Variants in GPC3 observed in about 807,000 individuals in gnomAD.
The protein encoded by GPC3 is glypican-3.
Under a neutral mutation model 34.4 loss-of-function variants are expected in GPC3, and 3 were observed. The ratio of observed to expected loss-of-function variants is 0.09; its 90% CI spans 0.04 to 0.23. The LOEUF is 0.23. Ranked by LOEUF, GPC3 falls within the 10% of genes least tolerant of loss-of-function variation. GPC3 has a pLI of 1.00. For synonymous variants in GPC3, 177 were observed against 174.0 expected, an observed-to-expected ratio of 1.02 and a Z score of -0.13; for missense variants, 351 against 445.6, an observed-to-expected ratio of 0.79 and a Z score of 1.91.
chrX:133,663,834 T>C (rs2070747196), intron 5 of GPC3, among the ~76,000 whole-genome samples: 1 of 111,431 alleles, frequency 9.0e-6, no homozygotes, highest in Non-Finnish European at 1.9e-5. Context: ...AACTGAAAAA[T>C]ATAAAATAAC....
chrX:133,828,763 C>CG (rs2075761994), intron 2 of GPC3, among the ~76,000 whole-genome samples: 1 of 110,171 alleles, frequency 9.1e-6, no homozygotes, highest in Non-Finnish European at 1.9e-5. Flanking sequence ...TGAGATCTAT[C>CG]GCACAGCATG....
chrX:133,783,618 C>A (rs948318478), intron 2 of GPC3, among the ~76,000 whole-genome samples: 2 of 112,225 alleles, frequency 1.8e-5, no homozygotes, highest in African/African-American at 6.5e-5. Flanking sequence ...TAGAGTGGGA[C>A]AAATGTCTGA....
chrX:133,831,351 G>A (rs974453463), intron 2 of GPC3, among the ~76,000 whole-genome samples: 2 of 112,200 alleles, frequency 1.8e-5, no homozygotes, highest in Non-Finnish European at 3.8e-5. Flanking sequence ...GGGGAAGCTA[G>A]GCAAAGGACA....
intron 1 of GPC3, 81 bp from the exon 2 acceptor site, chrX:133,953,292 A>C: frequency 1.3e-6 from 1 of 759,734 alleles, no homozygotes; most frequent in Non-Finnish European, 2.0e-6. Context: ...CCCACCCCCT[A>C]CACACACACT....
At chrX:133,600,336 C>G (rs773303025) in intron 6 of GPC3, among the ~76,000 whole-genome samples, 1 of 112,053 alleles carries the variant, frequency 8.9e-6, no homozygotes, top group Admixed American at 9.5e-5. Context: ...AGGACCTTGG[C>G]TAAGACACAT....
At chrX:133,602,315 G>C in intron 6 of GPC3, among the ~76,000 whole-genome samples, 1 of 111,570 alleles carries the variant, frequency 9.0e-6, no homozygotes. Context: ...AGCTAGATAG[G>C]AGGAATTAGT....
intron 2 of GPC3, 107 bp from the exon 3 acceptor site, chrX:133,754,283 T>C: frequency 1.7e-6 from 1 of 587,443 alleles, no homozygotes; most frequent in Non-Finnish European, 2.7e-6. Context: ...GTGATTAAGG[T>C]CCCATTTGCG....
intron 2 of GPC3, among the ~76,000 whole-genome samples, chrX:133,925,253 G>A (rs1298280239): frequency 9.1e-6 from 1 of 109,693 alleles, no homozygotes; most frequent in African/African-American, 3.3e-5. Context: ...TTTATGATAG[G>A]GGTACTGGGC....
rs898610864 is a variant in GPC3 at position 133,818,642 on chromosome X, T to C, written c.338-64466A>G. Among the ~76,000 whole-genome samples, 6 of 111,529 alleles carry C rather than the reference T, an allele frequency of 5.4e-5. No homozygotes were observed. In the East Asian group the frequency reaches 8.5e-4, roughly 16 times the overall value. On this transcript the variant is annotated intron_variant, in intron 2 of 7. Transcript: ENST00000370818. ...GCAATAGATTGGTTGTCCCCCAGAA[T>C]AGAATATGTGTTATAATAAGCTAAA...
At chrX:133,593,353 G>GT (rs1491483345) in intron 7 of GPC3, among the ~76,000 whole-genome samples, 35 of 58,141 alleles carry the variant, frequency 6.0e-4, no homozygotes, top group African/African-American at 2.3e-3. Context: ...AAAAAAAAAA[G>GT]TAAAAAAAAA....
At chrX:133,967,292 CAAAT>C (rs763668695) in intron 1 of GPC3, among the ~76,000 whole-genome samples, 150 of 112,545 alleles carry the variant, frequency 1.3e-3, no homozygotes, top group African/African-American at 4.6e-3. Flanking sequence ...ATGAAAAACA[CAAAT>C]AAATTATCCA....
chrX:133,694,621 G>A (rs2071096113), intron 4 of GPC3, among the ~76,000 whole-genome samples: 1 of 109,711 alleles, frequency 9.1e-6, no homozygotes, highest in South Asian at 4.0e-4. Context: ...GGGAAACAAT[G>A]GCCCTCTCTT....
intron 1 of GPC3, among the ~76,000 whole-genome samples, chrX:133,955,950 T>G (rs2076414808): frequency 8.9e-6 from 1 of 111,992 alleles, no homozygotes; most frequent in Non-Finnish European, 1.9e-5. Flanking sequence ...GGAATTTCAG[T>G]TGATCATGTC....
intron 2 of GPC3, among the ~76,000 whole-genome samples, chrX:133,845,966 T>C (rs2075845390): frequency 8.9e-6 from 1 of 111,821 alleles, no homozygotes; most frequent in Non-Finnish European, 1.9e-5. Context: ...TCCAAAATTC[T>C]TGAGATGATG....
intron 3 of GPC3, among the ~76,000 whole-genome samples, chrX:133,714,543 A>G (rs1166142019): frequency 9.0e-6 from 1 of 111,004 alleles, no homozygotes; most frequent in Non-Finnish European, 1.9e-5. Context: ...TCTGCTCTAC[A>G]CTAACATCCA....
chrX:133,784,663 T>G (rs960094536), intron 2 of GPC3, among the ~76,000 whole-genome samples: 3 of 112,530 alleles, frequency 2.7e-5, no homozygotes, highest in Non-Finnish European at 5.6e-5. Context: ...AAATTGTTAT[T>G]GTTAGAAAAG....
At chrX:133,602,196 C>T (rs2124337170) in intron 6 of GPC3, among the ~76,000 whole-genome samples, 1 of 111,468 alleles carries the variant, frequency 9.0e-6, no homozygotes, top group African/African-American at 3.3e-5. Flanking sequence ...CATTCTCGCT[C>T]ATATGTAGGA....
chrX:133,881,604 T>G (rs911115838), intron 2 of GPC3, among the ~76,000 whole-genome samples: 1 of 112,590 alleles, frequency 8.9e-6, no homozygotes, highest in Non-Finnish European at 1.9e-5. Flanking sequence ...CTTGGTGAAC[T>G]ACACCCCACA....
At chrX:133,942,400 G>A (rs983561211) in intron 2 of GPC3, among the ~76,000 whole-genome samples, 2 of 111,406 alleles carry the variant, frequency 1.8e-5, no homozygotes, top group Non-Finnish European at 3.8e-5. Flanking sequence ...AGAGAGGGTT[G>A]GATTAATAAC....
Sources: allele counts gnomAD v4.1 joint callset (sites outside exome capture counted in the v4.1 genomes callset), GRCh38; gene constraint gnomAD v4.1.1; transcripts MANE v1.5; gene names NCBI Gene and HGNC (gene_info 2026-07-23, HGNC 2026-07-21).